Variants in ENTPD1 observed in about 807,000 individuals in gnomAD.
The protein encoded by ENTPD1 is ectonucleoside triphosphate diphosphohydrolase 1.
Under a neutral mutation model 57.0 loss-of-function variants are expected in ENTPD1, and 33 were observed. That is an observed-to-expected ratio of 0.58 (90% CI 0.44 to 0.77). ENTPD1 has a LOEUF of 0.77. Ranked by LOEUF, ENTPD1 falls within the 30% of genes least tolerant of loss-of-function variation. The pLI is 0.00. For synonymous variants in ENTPD1, 202 were observed against 218.8 expected (o/e 0.92, Z 0.68); for missense variants, 501 against 603.4 (o/e 0.83, Z 1.78).
In ENTPD1 at chr10:95,866,586, T is replaced by A; in HGVS notation, c.*203T>A. Reference sequence around the variant, plus strand: ...CTCAAGGACTTCGGCAGATACTGTCTCTTTCATGAGTTTTTCCCAGCTACA... The same window carrying A: ...CTCAAGGACTTCGGCAGATACTGTCACTTTCATGAGTTTTTCCCAGCTACA... On this transcript the variant is annotated 3_prime_UTR_variant, in exon 10 of 10. Coordinates refer to ENST00000371205, the MANE Select transcript of ENTPD1 (RefSeq NM_001776.6). The A allele has an allele frequency of 7.0e-7, 1 of 1,427,374 alleles. No individual in the cohort carries two copies. The highest frequency in any genetic ancestry group is 1.5e-5 in the South Asian group (1 of 68,148). 88.4% of individuals were successfully genotyped at this position (1,427,374 alleles called of 1,614,324 possible).
chr10:95,866,195 G>T lies in ENTPD1; in HGVS notation c.1345G>T (p.Gly449Cys), dbSNP rs761374158. ...FIGKIQGSDA[G>C]WTLGYMLNLT... ...TTTGCAGATCCAGGGCAGCGACGCC[G>T]GCTGGACTTTGGGCTACATGCTGAA... The change falls in exon 10 of 10, where the codon GGC becomes TGC. Residue 449 changes from glycine to cysteine, a missense_variant. By Grantham distance (159) the Gly-to-Cys change is radical (BLOSUM62 -3). Coordinates refer to ENST00000371205, the MANE Select transcript of ENTPD1 (RefSeq NM_001776.6). The T allele has an allele frequency of 1.2e-6, 2 of 1,613,762 alleles. No individual in the cohort carries two copies. Among genetic ancestry groups the T allele is most frequent in the African/African-American group, 2.7e-5 (2 of 74,902 alleles).
Position 95,869,640 on chromosome 10 carries a change from A to T in ENTPD1, c.*3257A>T. On this transcript the variant is annotated 3_prime_UTR_variant, in exon 10 of 10. Coordinates refer to ENST00000371205, the MANE Select transcript of ENTPD1 (RefSeq NM_001776.6). ...AGAGAAAGAAAATAAAGAAGTTTCA[A>T]TTCATCCAATTCTTAATAAGAAATA... The T allele has an allele frequency of 1.0e-6, 1 of 984,296 alleles. No individual in the cohort carries two copies. The highest frequency in any genetic ancestry group is 1.2e-6 in the Non-Finnish European group (1 of 828,936). The allele number at this position is 984,296 out of a possible 1,614,324, so 61.0% of individuals were successfully genotyped here. A position where few individuals can be genotyped will look rare whatever the true frequency, so the allele number is the denominator to read the frequency against.
upstream of ENTPD1, chr10:95,755,607 A>C (rs1029286533): frequency 3.8e-6 from 5 of 1,304,020 alleles, no homozygotes; most frequent in Admixed American, 8.4e-5. Context: ...CAGCCTTCCA[A>C]CCAATAACGC....
chr10:95,842,524 C>A (rs1437798183), intron 4 of ENTPD1, 30 bp downstream of exon 4: 1 of 1,605,664 alleles, frequency 6.2e-7, no homozygotes, highest in Admixed American at 1.7e-5. Flanking sequence ...CCAAGAGTAT[C>A]TGGGAGTTAG....
the ENTPD1 span, among the ~76,000 whole-genome samples, chr10:95,699,240 A>G: frequency 6.6e-6 from 1 of 152,216 alleles, no homozygotes. Context: ...TATAATTAAC[A>G]TTTATAGAGA....
At chr10:95,717,949 C>A (rs919828265) in intron 1 of ENTPD1, among the ~76,000 whole-genome samples, 1 of 152,152 alleles carries the variant, frequency 6.6e-6, no homozygotes, top group Non-Finnish European at 1.5e-5. Context: ...CTGGAAGAGG[C>A]AAACTTAACA....
rs2275760 is a variant in ENTPD1, at chr10:95,865,083, T to C, written c.1326+222T>C. On this transcript the variant is annotated intron_variant, in intron 9 of 9. Coordinates refer to ENST00000371205, the MANE Select transcript of ENTPD1 (RefSeq NM_001776.6). ...AAGGACAGCTACTTGCATTTTCAGTTGCACCTTCCCACATAACAGTGACTA... is the reference window on the plus strand; with the variant it reads ...AAGGACAGCTACTTGCATTTTCAGTCGCACCTTCCCACATAACAGTGACTA... Among the ~76,000 whole-genome samples, 11,196 of 152,260 alleles carry C rather than the reference T, an allele frequency of 0.074. 452 individuals are homozygous for C. Among genetic ancestry groups the C allele is most frequent in the African/African-American group, 0.097 (4,014 of 41,538 alleles).
chr10:95,699,644 G>C, the ENTPD1 span, among the ~76,000 whole-genome samples: 1 of 151,560 alleles, frequency 6.6e-6, no homozygotes, highest in Admixed American at 6.6e-5. Flanking sequence ...GAGAGAAAGA[G>C]AGAAGAAAAG....
chr10:95,853,293 CTT>C (rs1258208715), intron 7 of ENTPD1, among the ~76,000 whole-genome samples: 5 of 152,196 alleles, frequency 3.3e-5, no homozygotes, highest in African/African-American at 1.2e-4. Context: ...TATCCTGAGA[CTT>C]TGCTGAAGTT....
At chr10:95,799,754 A>G (rs552676190) in intron 1 of ENTPD1, among the ~76,000 whole-genome samples, 2 of 152,258 alleles carry the variant, frequency 1.3e-5, no homozygotes. Context: ...ACTACCACCA[A>G]TTGTGTATAA....
chr10:95,767,314 C>CAAAA (rs1160221654), intron 1 of ENTPD1, among the ~76,000 whole-genome samples: 18 of 67,758 alleles, frequency 2.7e-4, no homozygotes, highest in East Asian at 5.6e-4. Flanking sequence ...GACTCCATCT[C>CAAAA]AAAAAAAAAA....
At chr10:95,731,900 A>G (rs1423278706) in intron 1 of ENTPD1, among the ~76,000 whole-genome samples, 1 of 146,806 alleles carries the variant, frequency 6.8e-6, no homozygotes, top group Non-Finnish European at 1.5e-5. Flanking sequence ...CTGAAGTCTC[A>G]GCTTCCCGAG....
chr10:95,861,669 T>C (rs2140982270), intron 8 of ENTPD1: 1 of 152,208 alleles, frequency 6.6e-6, no homozygotes, highest in African/African-American at 2.4e-5. Context: ...CTGGCGGTGA[T>C]CTGTGGAGGA....
At chr10:95,778,499 AG>A (rs1292589349) in intron 1 of ENTPD1, among the ~76,000 whole-genome samples, 1 of 152,022 alleles carries the variant, frequency 6.6e-6, no homozygotes, top group Non-Finnish European at 1.5e-5. Flanking sequence ...CTTAATATCC[AG>A]TGTTGTTGAA....
chr10:95,876,392 G>T lies in ENTPD1; in HGVS notation c.*10009G>T. The T allele has an allele frequency of 6.5e-6, 8 of 1,231,364 alleles. No homozygotes were observed. Among genetic ancestry groups the T allele is most frequent in the Non-Finnish European group, 8.1e-6 (8 of 987,754 alleles). 76.3% of individuals were successfully genotyped at this position (1,231,364 alleles called of 1,614,324 possible). A position where few individuals can be genotyped will look rare whatever the true frequency, so the allele number is the denominator to read the frequency against. On this transcript the variant is annotated 3_prime_UTR_variant, in exon 10 of 10. Transcript: ENST00000371205. ...TCAGCACCAATTCTAAGTTTTTCTT[G>T]ATGGTAAATCATAATGTTCCCTTTC...
At chr10:95,717,857 C>T (rs2097973316) in intron 1 of ENTPD1, among the ~76,000 whole-genome samples, 2 of 152,158 alleles carry the variant, frequency 1.3e-5, no homozygotes, top group Admixed American at 6.5e-5. Context: ...CAGGCCGGTC[C>T]AGGGGTCTGC....
intron 1 of ENTPD1, among the ~76,000 whole-genome samples, chr10:95,793,897 A>G (rs575689115): frequency 6.6e-6 from 1 of 152,284 alleles, no homozygotes; most frequent in African/African-American, 2.4e-5. Flanking sequence ...AAAAATGAAC[A>G]GAGAATTGTG....
intron 2 of ENTPD1, among the ~76,000 whole-genome samples, chr10:95,827,555 A>G: frequency 6.6e-6 from 1 of 152,034 alleles, no homozygotes; most frequent in East Asian, 1.9e-4. Context: ...GTGCGATCTC[A>G]GCTCACTACA....
At chr10:95,809,273 AC>A (rs1400656250) in intron 1 of ENTPD1, among the ~76,000 whole-genome samples, 19 of 147,186 alleles carry the variant, frequency 1.3e-4, no homozygotes, top group African/African-American at 4.8e-4. Flanking sequence ...GGGCAGAGGC[AC>A]CCCCCACATC....
Sources: gnomAD v4.1 joint callset for allele counts (sites outside exome capture counted in the v4.1 genomes callset) on GRCh38, gnomAD v4.1.1 for gene constraint, MANE v1.5 for transcripts, NCBI Gene and HGNC (gene_info 2026-07-23, HGNC 2026-07-21) for gene names.